The following ZMAT3 variants were observed in gnomAD, a reference collection of about 807,000 sequenced individuals.
ZMAT3 encodes the protein zinc finger matrin-type protein 3.
A neutral mutation model predicts 32.3 loss-of-function variants in ZMAT3; 17 were observed. The observed-to-expected ratio is 0.53, with a 90% CI of 0.36 to 0.79. The LOEUF (loss-of-function observed/expected upper bound fraction) is 0.79, where lower values mean the gene tolerates loss of function less well. Ranked by LOEUF, ZMAT3 falls within the 30% of genes least tolerant of loss-of-function variation. The pLI is 0.00. For synonymous variants in ZMAT3, 120 were observed against 133.1 expected (o/e 0.90, Z 0.68); for missense variants, 329 against 359.7 (o/e 0.91, Z 0.69).
In ZMAT3 at chr3:179,020,130, T is replaced by A. The variant is rs996049420; in HGVS notation, c.*4887A>T. On this transcript the variant is annotated 3_prime_UTR_variant, in exon 6 of 6. Transcript: ENST00000311417. ...ACAGACCTTTGTTATTCCAAGCTCC[T>A]ATTTATGAATGGTGATTAATAGCAA... is the stretch of plus-strand genomic sequence containing the variant. The A allele has an allele frequency of 1.3e-5, 2 of 152,210 alleles. No individual in the cohort carries two copies. The highest frequency in any genetic ancestry group is 4.8e-5 in the African/African-American group (2 of 41,462). The allele number at this position is 152,210 out of a possible 1,614,324, so 9.4% of individuals were successfully genotyped here.
intron 2 of ZMAT3, among the ~76,000 whole-genome samples, chr3:179,064,677 C>T (rs142214794): frequency 5.3e-5 from 8 of 152,232 alleles, no homozygotes; most frequent in African/African-American, 7.2e-5. Flanking sequence ...ACTATCTTCC[C>T]GCCTCAGCCT....
Position 179,027,531 on chromosome 3 carries a change from AAAG to A in ZMAT3, c.558-11_558-9del. On this transcript the variant is annotated splice_polypyrimidine_tract_variant and intron_variant, in intron 4 of 5. Transcript: ENST00000311417. ...CCCAGCTCTGAGGATTCCCTGGAGAAAAGAAGTTTAAAAAAGAGTGAGTCTTCT... is the reference window on the plus strand; with the variant it reads ...CCCAGCTCTGAGGATTCCCTGGAGAAAAGTTTAAAAAAGAGTGAGTCTTCT... The A allele has an allele frequency of 6.2e-7, 1 of 1,614,212 alleles. No individual in the cohort carries two copies. The highest frequency in any genetic ancestry group is 8.5e-7 in the Non-Finnish European group (1 of 1,180,038).
intron 2 of ZMAT3, among the ~76,000 whole-genome samples, chr3:179,031,291 C>T (rs1426080533): frequency 1.3e-5 from 2 of 149,874 alleles, no homozygotes; most frequent in Admixed American, 6.6e-5. Context: ...CGGTTTTAGG[C>T]TTCTACTAGA....
intron 2 of ZMAT3, among the ~76,000 whole-genome samples, chr3:179,053,654 T>C (rs775941208): frequency 2.0e-5 from 3 of 152,118 alleles, no homozygotes; most frequent in Non-Finnish European, 4.4e-5. Context: ...TACAAGACAT[T>C]CACATCACAT....
chr3:179,042,705 T>C (rs1471132698), intron 2 of ZMAT3, among the ~76,000 whole-genome samples: 1 of 152,180 alleles, frequency 6.6e-6, no homozygotes, highest in Non-Finnish European at 1.5e-5. Context: ...TTCAACATAG[T>C]GTTGGAAGTT....
In ZMAT3 at chr3:179,027,551, G is replaced by A. The variant is rs1286189383; in HGVS notation, c.558-28C>T. ...GGAGAAAAGAAGTTTAAAAAAGAGT[G>A]AGTCTTCTAAACAAGAATCCCTTTC... On this transcript the variant is annotated intron_variant, in intron 4 of 5. Transcript: ENST00000311417. 1.9e-6 allele frequency: 3 copies of A among 1,613,842 alleles called. No homozygotes were observed. In the South Asian group the frequency reaches 3.3e-5, roughly 18 times the overall value.
chr3:179,027,608 C>A lies in ZMAT3; in HGVS notation c.557+38G>T, dbSNP rs117287683. On this transcript the variant is annotated intron_variant, in intron 4 of 5. Transcript: ENST00000311417. ...TTTTCTTTAAAGACAGTCAATCTCA[C>A]ATAACACTTTGGCCTCAGAGAAAAT... is the stretch of plus-strand genomic sequence containing the variant. 1.3e-4 allele frequency: 214 copies of A among 1,613,942 alleles called. 1 individual carries two copies. In the East Asian group the frequency reaches 4.8e-3, roughly 36 times the overall value.
Position 179,025,151 on chromosome 3 carries a change from A to T in ZMAT3, c.736T>A (p.Phe246Ile). ...LAMCVTPSGQ[F>I]YCSMCNVGAG... ...CCAACATTACACATTGAGCAGTAAA[A>T]CTGGCCACTTGGAGTAACACACATG... The change falls in exon 6 of 6, where the codon TTT becomes ATT. Residue 246 changes from phenylalanine (F) to isoleucine (I), a missense_variant. Transcript: ENST00000311417. 6.2e-7 allele frequency: 1 copy of T among 1,614,190 alleles called. No individual in the cohort carries two copies. The highest frequency in any genetic ancestry group is 1.1e-5 in the South Asian group (1 of 91,080).
chr3:179,034,412 A>C (rs1476340681), intron 2 of ZMAT3, among the ~76,000 whole-genome samples: 5 of 152,084 alleles, frequency 3.3e-5, no homozygotes, highest in Non-Finnish European at 2.9e-5. Context: ...CATTCCTCCT[A>C]CTATCATCTA....
At chr3:179,051,359 C>T (rs1377892492) in intron 2 of ZMAT3, among the ~76,000 whole-genome samples, 2 of 151,944 alleles carry the variant, frequency 1.3e-5, no homozygotes, top group African/African-American at 4.8e-5. Context: ...CAACAGCTAC[C>T]AAGCAGAGAA....
rs140239908 is a variant in ZMAT3, at chr3:179,053,500, T to G, written c.270+13983A>C. The stretch of plus-strand genomic sequence containing the variant: ...CAAGAATCATCACTGACCAAAACTA[T>G]GATGAGAAATAAAATATTCGCAGTC... On this transcript the variant is annotated intron_variant, in intron 2 of 5. Transcript: ENST00000311417. 2.1e-3 allele frequency among the ~76,000 whole-genome samples: 314 copies of G among 152,248 alleles called. 3 individuals are homozygous for G. Among genetic ancestry groups the G allele is most frequent in the African/African-American group, 7.1e-3 (294 of 41,552 alleles).
intron 1 of ZMAT3, among the ~76,000 whole-genome samples, chr3:179,069,005 G>A (rs571437081): frequency 6.6e-6 from 1 of 152,284 alleles, no homozygotes; most frequent in Non-Finnish European, 1.5e-5. Flanking sequence ...CTCAGCTGCT[G>A]CCTGTACTTG....
chr3:179,033,617 A>G (rs1044266364), intron 2 of ZMAT3, among the ~76,000 whole-genome samples: 5 of 152,194 alleles, frequency 3.3e-5, no homozygotes, highest in African/African-American at 1.2e-4. Flanking sequence ...ACTTCTTGCC[A>G]TTTATATGCC....
chr3:179,055,864 G>T (rs1251457856), intron 2 of ZMAT3, among the ~76,000 whole-genome samples: 1 of 152,154 alleles, frequency 6.6e-6, no homozygotes, highest in African/African-American at 2.4e-5. Flanking sequence ...TCTCAGTCAG[G>T]TCAACAATAG....
Position 179,020,675 on chromosome 3 carries a change from A to G in ZMAT3, c.*4342T>C, listed in dbSNP as rs918634558. The stretch of plus-strand genomic sequence containing the variant: ...AAGGGCATTTCCAACCTTAGTTCTG[A>G]CAATGAAGACACAAAGTAGGTTAGG... On this transcript the variant is annotated 3_prime_UTR_variant, in exon 6 of 6. Coordinates refer to ENST00000311417, the MANE Select transcript of ZMAT3 (RefSeq NM_022470.4). The G allele has an allele frequency of 6.6e-6, 1 of 152,208 alleles. No individual in the cohort carries two copies. The highest frequency in any genetic ancestry group is 1.5e-5 in the Non-Finnish European group (1 of 68,036). The allele number at this position is 152,208 out of a possible 1,614,324, so 9.4% of individuals were successfully genotyped here. A position where few individuals can be genotyped will look rare whatever the true frequency, so the allele number is the denominator to read the frequency against.
At chr3:179,065,406 A>C (rs1721358365) in intron 2 of ZMAT3, among the ~76,000 whole-genome samples, 1 of 152,222 alleles carries the variant, frequency 6.6e-6, no homozygotes, top group African/African-American at 2.4e-5. Flanking sequence ...AAAAATGTAA[A>C]ATAAAAGAAA....
At position 179,018,068 on chromosome 3, in the gene ZMAT3, C is replaced by T. The variant is rs1052684750; in HGVS notation, c.*6949G>A. 1.3e-5 allele frequency: 2 copies of T among 152,092 alleles called. No homozygotes were observed. Among genetic ancestry groups the T allele is most frequent in the Non-Finnish European group, 2.9e-5 (2 of 68,020 alleles). The allele number at this position is 152,092 out of a possible 1,614,324, so 9.4% of individuals were successfully genotyped here. ...AAAAGAGGGCAGAACAATGACCAGCCACTCCAAAAGAGTTTTGTTCCTATA... is the reference window on the plus strand; with the variant it reads ...AAAAGAGGGCAGAACAATGACCAGCTACTCCAAAAGAGTTTTGTTCCTATA... On this transcript the variant is annotated 3_prime_UTR_variant, in exon 6 of 6. Coordinates refer to ENST00000311417, the MANE Select transcript of ZMAT3 (RefSeq NM_022470.4).
chr3:179,058,814 G>C (rs1721000813), intron 2 of ZMAT3, among the ~76,000 whole-genome samples: 1 of 144,616 alleles, frequency 6.9e-6, no homozygotes, highest in South Asian at 2.3e-4. Context: ...GTATGCAGTG[G>C]TCAGTGATAA....
At chr3:179,033,780 C>T (rs1209911186) in intron 2 of ZMAT3, among the ~76,000 whole-genome samples, 2 of 152,312 alleles carry the variant, frequency 1.3e-5, no homozygotes, top group East Asian at 3.9e-4. Context: ...TTGCTGCTCA[C>T]AAAAATCTTG....
Sources: allele counts gnomAD v4.1 joint callset (sites outside exome capture counted in the v4.1 genomes callset), GRCh38; gene constraint gnomAD v4.1.1; transcripts MANE v1.5; gene names NCBI Gene and HGNC (gene_info 2026-07-23, HGNC 2026-07-21).